Variants in MAD1L1 observed in about 807,000 individuals in gnomAD.
The protein encoded by MAD1L1 is mitotic arrest deficient 1 like 1.
In MAD1L1, 95 loss-of-function variants were observed where a neutral mutation model predicts 96.9. The observed-to-expected ratio is 0.98, with a 90% CI of 0.83 to 1.16. MAD1L1 has a LOEUF of 1.16. Among genes scored for constraint, MAD1L1 ranks in the 50% most tolerant of loss-of-function variants. The pLI, the probability that MAD1L1 is intolerant of heterozygous loss-of-function variation, is 0.00. For synonymous variants in MAD1L1, 473 were observed against 396.6 expected (o/e 1.19, Z -2.29); for missense variants, 1,007 against 954.4 (o/e 1.06, Z -0.73).
At chr7:2,129,422 G>A (rs1004330894) in intron 11 of MAD1L1, among the ~76,000 whole-genome samples, 3 of 152,218 alleles carry the variant, frequency 2.0e-5, no homozygotes, top group South Asian at 2.1e-4. Flanking sequence ...GCAGGCTCAC[G>A]GCGGCTCCTG....
intron 18 of MAD1L1, 102 bp downstream of exon 18, chr7:1,898,098 T>C: frequency 7.2e-6 from 9 of 1,255,912 alleles, no homozygotes; most frequent in Non-Finnish European, 6.7e-6. Context: ...ACCATCCCCT[T>C]TGGACGCGAG....
At chr7:1,848,396 T>G (rs1783759538) in intron 18 of MAD1L1, 1 of 153,594 alleles carries the variant, frequency 6.5e-6, no homozygotes, top group African/African-American at 2.4e-5. Context: ...TCCGGCTCCA[T>G]TTGAATACTG....
At chr7:1,926,840 C>T (rs187054114) in intron 17 of MAD1L1, among the ~76,000 whole-genome samples, 1 of 152,320 alleles carries the variant, frequency 6.6e-6, no homozygotes, top group Admixed American at 6.5e-5. Context: ...ATCTCTGTTG[C>T]CCCATCTCCT....
At chr7:2,086,736 G>A (rs562372642) in intron 11 of MAD1L1, among the ~76,000 whole-genome samples, 1 of 152,232 alleles carries the variant, frequency 6.6e-6, no homozygotes, top group African/African-American at 2.4e-5. Context: ...TGTATTTTCA[G>A]TAGAGACAGG....
At chr7:2,176,242 G>A (rs953651860) in intron 10 of MAD1L1, among the ~76,000 whole-genome samples, 5 of 152,162 alleles carry the variant, frequency 3.3e-5, no homozygotes, top group South Asian at 4.1e-4. Flanking sequence ...CAGCTACTAC[G>A]GAAGCCGAGG....
At chr7:2,044,748 C>T (rs970802768) in intron 12 of MAD1L1, among the ~76,000 whole-genome samples, 2 of 152,188 alleles carry the variant, frequency 1.3e-5, no homozygotes, top group Non-Finnish European at 2.9e-5. Flanking sequence ...GTGAGGATGA[C>T]AAGAACTGGA....
At chr7:1,902,886 C>G (rs1316066660) in intron 17 of MAD1L1, among the ~76,000 whole-genome samples, 1 of 150,662 alleles carries the variant, frequency 6.6e-6, no homozygotes, top group Non-Finnish European at 1.5e-5. Flanking sequence ...AAGCACTGTT[C>G]CAGGCAGCGA....
At chr7:1,955,930 T>C (rs899507522) in intron 16 of MAD1L1, among the ~76,000 whole-genome samples, 3 of 143,044 alleles carry the variant, frequency 2.1e-5, no homozygotes, top group Non-Finnish European at 4.5e-5. Context: ...CAGAGTAGTA[T>C]AACTTCCATC....
At chr7:2,210,450 TCTCTAGGAGCCGTATTCGGGACC>T (rs1562375192) in intron 10 of MAD1L1, among the ~76,000 whole-genome samples, 1 of 134,838 alleles carries the variant, frequency 7.4e-6, no homozygotes. Context: ...TCCCGTGGAC[TCTCTAGGAGCCGTATTCGGGACC>T]GCCAGCCCGC....
chr7:1,888,590 G>T (rs532947848), intron 18 of MAD1L1, among the ~76,000 whole-genome samples: 2 of 151,272 alleles, frequency 1.3e-5, no homozygotes, highest in African/African-American at 4.9e-5. Context: ...GCATGCATGC[G>T]TGCATGTGGC....
At chr7:1,818,353 T>TG (rs1014116966) in intron 18 of MAD1L1, among the ~76,000 whole-genome samples, 3 of 152,124 alleles carry the variant, frequency 2.0e-5, no homozygotes, top group Non-Finnish European at 4.4e-5. Context: ...CCTCAGAGGC[T>TG]GGCAGGCTTT....
chr7:1,918,673 A>T (rs1231721356), intron 17 of MAD1L1, among the ~76,000 whole-genome samples: 1 of 152,198 alleles, frequency 6.6e-6, no homozygotes, highest in Non-Finnish European at 1.5e-5. Context: ...GCTGGCCTTT[A>T]TTACCCAACA....
intron 15 of MAD1L1, among the ~76,000 whole-genome samples, chr7:1,971,316 C>A (rs1024876012): frequency 3.3e-5 from 5 of 152,206 alleles, no homozygotes; most frequent in African/African-American, 1.2e-4. Context: ...CTCCTACAGG[C>A]TACAGTTGGT....
At chr7:1,891,819 G>A (rs1562496125) in intron 18 of MAD1L1, among the ~76,000 whole-genome samples, 1 of 152,162 alleles carries the variant, frequency 6.6e-6, no homozygotes, top group Non-Finnish European at 1.5e-5. Context: ...GGGCTCAAGC[G>A]ATCCCCCCAC....
chr7:2,076,638 G>A (rs1372819257), intron 11 of MAD1L1, among the ~76,000 whole-genome samples: 1 of 152,232 alleles, frequency 6.6e-6, no homozygotes, highest in Non-Finnish European at 1.5e-5. Flanking sequence ...TTATGACACA[G>A]TGAGCCCACA....
intron 18 of MAD1L1, among the ~76,000 whole-genome samples, chr7:1,893,527 C>G (rs1477943120): frequency 6.6e-6 from 1 of 152,170 alleles, no homozygotes; most frequent in Non-Finnish European, 1.5e-5. Context: ...ATGCCAGCCC[C>G]CAGGTGGAGT....
Position 2,229,899 on chromosome 7 carries a change from C to T in MAD1L1, c.150+85G>A. ...TCTAGGCTCTGCTAATACCGACCCA[C>T]CTCAACTACAGAAGACTGGAAGAGG... On this transcript the variant is annotated intron_variant, in intron 3 of 18. Transcript: ENST00000265854. The T allele has an allele frequency of 2.8e-6, 4 of 1,451,354 alleles. No homozygotes were observed. In the South Asian group the frequency reaches 3.8e-5, roughly 14 times the overall value. The allele number at this position is 1,451,354 out of a possible 1,614,324, so 89.9% of individuals were successfully genotyped here. A position where few individuals can be genotyped will look rare whatever the true frequency, so the allele number is the denominator to read the frequency against.
intron 12 of MAD1L1, among the ~76,000 whole-genome samples, chr7:2,038,352 A>G (rs1158112479): frequency 2.0e-5 from 3 of 152,178 alleles, no homozygotes; most frequent in Non-Finnish European, 4.4e-5. Context: ...TGGCCACACT[A>G]AACACCAGAT....
intron 10 of MAD1L1, among the ~76,000 whole-genome samples, chr7:2,157,247 G>A (rs1008717019): frequency 2.6e-5 from 4 of 152,194 alleles, no homozygotes; most frequent in African/African-American, 9.6e-5. Flanking sequence ...TGGGAACACT[G>A]TTGTGGGGAG....
Sources: allele counts gnomAD v4.1 joint callset (sites outside exome capture counted in the v4.1 genomes callset), GRCh38; gene constraint gnomAD v4.1.1; transcripts MANE v1.5; gene names NCBI Gene and HGNC (gene_info 2026-07-23, HGNC 2026-07-21).